STRA8: variants seen among roughly 807,000 people sequenced by gnomAD.
STRA8 encodes stimulated by retinoic acid gene 8 protein homolog.
Under a neutral mutation model 37.1 loss-of-function variants are expected in STRA8, and 18 were observed. That is an observed-to-expected ratio of 0.48 (90% confidence interval 0.34 to 0.72). The LOEUF (loss-of-function observed/expected upper bound fraction) is 0.72, where lower values mean the gene tolerates loss of function less well. STRA8 is among the 30% of genes least tolerant of loss of function. The pLI is 0.01. For synonymous variants in STRA8, 168 were observed against 162.9 expected (o/e 1.03, Z -0.24); for missense variants, 357 against 410.4 (o/e 0.87, Z 1.13).
intron 8 of STRA8, among the ~76,000 whole-genome samples, chr7:135,258,089 C>T (rs1009591259): frequency 6.6e-6 from 1 of 152,074 alleles, no homozygotes; most frequent in East Asian, 1.9e-4. Flanking sequence ...TGCAGTGCAC[C>T]GTCTTCTATT....
In STRA8 at chr7:135,245,417, A is replaced by AGAGGAG. The variant is rs3039087; in HGVS notation, c.492_497dup (p.Glu177_Glu178dup). ...AAGAAGAAGAGGAGGAGGAAGAAGAAGAGGAGGAGGAGGAAGAGGAGGAAG... is the reference window on the plus strand; with the variant it reads ...AAGAAGAAGAGGAGGAGGAAGAAGAAGAGGAGGAGGAGGAGGAGGAAGAGGAGGAAG... On this transcript the variant is annotated inframe_insertion, in exon 5 of 9. Transcript: ENST00000662584. 19 of 719,540 alleles carry AGAGGAG rather than the reference A, an allele frequency of 2.6e-5. No homozygotes were observed. Among genetic ancestry groups the AGAGGAG allele is most frequent in the Non-Finnish European group, 4.9e-5 (19 of 384,778 alleles). 44.6% of individuals were successfully genotyped at this position (719,540 alleles called of 1,614,324 possible).
intron 8 of STRA8, among the ~76,000 whole-genome samples, chr7:135,255,639 T>A (rs1832694292): frequency 6.6e-6 from 1 of 152,068 alleles, no homozygotes. Context: ...ATGCAAGGGG[T>A]CTAGGTTGCT....
upstream of STRA8, among the ~76,000 whole-genome samples, chr7:135,232,510 G>A (rs1046914533): frequency 1.3e-5 from 2 of 152,056 alleles, no homozygotes; most frequent in Non-Finnish European, 2.9e-5. Context: ...TGGTGTGGTG[G>A]TGCGGGGCTG....
chr7:135,240,491 A>C (rs772346417), intron 1 of STRA8, 28 bp from the exon 2 acceptor site: 1 of 1,579,172 alleles, frequency 6.3e-7, no homozygotes, highest in Non-Finnish European at 8.6e-7. Flanking sequence ...ATCTAGGGCA[A>C]AAAAAAAAGC....
chr7:135,233,121 C>T (rs189850217), upstream of STRA8, among the ~76,000 whole-genome samples: 13 of 152,246 alleles, frequency 8.5e-5, no homozygotes, highest in African/African-American at 3.1e-4. Context: ...GAAGCCTAAA[C>T]GAGAGTACAT....
chr7:135,237,582 A>G (rs538301010), intron 1 of STRA8, among the ~76,000 whole-genome samples: 1 of 152,138 alleles, frequency 6.6e-6, no homozygotes, highest in Admixed American at 6.5e-5. Context: ...GACAGACCCA[A>G]GTGTATTATT....
chr7:135,240,637 G>A lies in STRA8; in HGVS notation c.113G>A (p.Arg38His), dbSNP rs754296969. 19 of 1,614,082 alleles carry A rather than the reference G, an allele frequency of 1.2e-5. No individual in the cohort carries two copies. The highest frequency in any genetic ancestry group is 2.2e-5 in the East Asian group (1 of 44,864). Residue 38 changes from arginine to histidine, a missense_variant, in exon 2 of 9, where the codon CGC becomes CAC. Coordinates refer to ENST00000662584, the MANE Select transcript of STRA8 (RefSeq NM_001394401.1). ...GCCCGGAGACGGCTGTCCCAGGCCCGCCACCGAGCCACCCTGGCAGCGCTC... is the reference window on the plus strand; with the variant it reads ...GCCCGGAGACGGCTGTCCCAGGCCCACCACCGAGCCACCCTGGCAGCGCTC... ...RVARRRLSQA[R>H]HRATLAALFN...
chr7:135,232,533 C>T (rs904197571), upstream of STRA8, among the ~76,000 whole-genome samples: 7 of 151,920 alleles, frequency 4.6e-5, no homozygotes, highest in African/African-American at 1.7e-4. Flanking sequence ...GTCCCGGCTA[C>T]TCAGGAGGCT....
At chr7:135,252,727 C>T (rs1224238383) in intron 7 of STRA8, among the ~76,000 whole-genome samples, 2 of 152,160 alleles carry the variant, frequency 1.3e-5, no homozygotes, top group South Asian at 2.1e-4. Context: ...GCTGCTGTAT[C>T]CCTGCCTTAA....
chr7:135,244,044 T>C (rs903608181), intron 4 of STRA8, among the ~76,000 whole-genome samples: 1 of 152,162 alleles, frequency 6.6e-6, no homozygotes, highest in Non-Finnish European at 1.5e-5. Flanking sequence ...TGGTTTTTTG[T>C]TTTTGTTTTT....
chr7:135,240,234 T>C (rs1370259234), intron 1 of STRA8, among the ~76,000 whole-genome samples: 1 of 152,194 alleles, frequency 6.6e-6, no homozygotes, highest in African/African-American at 2.4e-5. Context: ...TTTGCAGTTT[T>C]AGGAGTTGAA....
intron 2 of STRA8, among the ~76,000 whole-genome samples, chr7:135,241,968 G>A (rs1170267500): frequency 6.6e-6 from 1 of 151,424 alleles, no homozygotes; most frequent in Non-Finnish European, 1.5e-5. Flanking sequence ...TTTTAGCATT[G>A]CTCGTTTTTG....
chr7:135,240,532 C>T lies in STRA8; in HGVS notation c.8C>T (p.Thr3Ile). 4.3e-6 allele frequency: 7 copies of T among 1,613,736 alleles called. No homozygotes were observed. The highest frequency in any genetic ancestry group is 4.5e-5 in the East Asian group (2 of 44,872). ...ATTACATTACAGCTTATAATGGCAA[C>T]CCCTGAAGAAAACAGCAATCCCCAT... MA[T>I]PEENSNPHDR... Residue 3 changes from threonine (T) to isoleucine (I), a missense_variant, in exon 2 of 9, where the codon ACC becomes ATC. By Grantham distance (89) the Thr-to-Ile change is moderately conservative (BLOSUM62 -1). Coordinates refer to ENST00000662584, the MANE Select transcript of STRA8 (RefSeq NM_001394401.1).
intron 4 of STRA8, among the ~76,000 whole-genome samples, chr7:135,244,749 A>T (rs910669371): frequency 1.3e-5 from 2 of 152,214 alleles, no homozygotes; most frequent in Admixed American, 6.5e-5. Context: ...TACACAGATA[A>T]TCACACTGTC....
rs1052597469 is a variant in STRA8, at chr7:135,242,035, G to A, written c.193-746G>A. Among the ~76,000 whole-genome samples the A allele has an allele frequency of 7.5e-5, 6 of 79,496 alleles. No individual in the cohort carries two copies. In the Admixed American group the frequency reaches 8.1e-4, roughly 11 times the overall value. The allele number at this position is 79,496 out of a possible 152,430, so 52.2% of individuals were successfully genotyped here. On this transcript the variant is annotated intron_variant, in intron 2 of 8. Coordinates refer to ENST00000662584, the MANE Select transcript of STRA8 (RefSeq NM_001394401.1). Reference sequence around the variant, plus strand: ...TAATGTTACATACAGGAAGTAAGGAGGGAAGAAGGAAGGAAGAGAAGAGGA... The same window carrying A: ...TAATGTTACATACAGGAAGTAAGGAAGGAAGAAGGAAGGAAGAGAAGAGGA...
At chr7:135,250,425 G>A (rs1832620605) in intron 6 of STRA8, among the ~76,000 whole-genome samples, 1 of 152,122 alleles carries the variant, frequency 6.6e-6, no homozygotes, top group Non-Finnish European at 1.5e-5. Flanking sequence ...TCTTTCTGTG[G>A]CCCCTTTCCA....
At chr7:135,247,701 C>T (rs545734078) in intron 6 of STRA8, among the ~76,000 whole-genome samples, 40 of 152,364 alleles carry the variant, frequency 2.6e-4, no homozygotes, top group Admixed American at 2.2e-3. Flanking sequence ...TGGGATCGCT[C>T]TGTGAAGGGG....
In STRA8 at chr7:135,251,162, T is replaced by C. The variant is rs374583364; in HGVS notation, c.880-634T>C. On this transcript the variant is annotated intron_variant, in intron 6 of 8. Coordinates refer to ENST00000662584, the MANE Select transcript of STRA8 (RefSeq NM_001394401.1). ...AATTATGTGCCAGGTATGTCTGTTA[T>C]AAAGTGGATAATGTTCAAATGTAAC... 1.1e-4 allele frequency among the ~76,000 whole-genome samples: 17 copies of C among 152,374 alleles called. 1 individual carries two copies. In the East Asian group the frequency reaches 1.9e-3, roughly 17 times the overall value.
At chr7:135,255,905 G>T (rs1024755964) in intron 8 of STRA8, among the ~76,000 whole-genome samples, 6 of 152,184 alleles carry the variant, frequency 3.9e-5, no homozygotes, top group Non-Finnish European at 8.8e-5. Flanking sequence ...TTCCCAAAAC[G>T]CTGGGCTATT....
Sources: gnomAD v4.1 joint callset for allele counts (sites outside exome capture counted in the v4.1 genomes callset) on GRCh38, gnomAD v4.1.1 for gene constraint, MANE v1.5 for transcripts, NCBI Gene and HGNC (gene_info 2026-07-23, HGNC 2026-07-21) for gene names.